FRAS1: variants seen among roughly 807,000 people sequenced by gnomAD.
FRAS1 encodes extracellular matrix organizing protein FRAS1.
Under a neutral mutation model 435.2 loss-of-function variants are expected in FRAS1, and 290 were observed. The ratio of observed to expected loss-of-function variants is 0.67; its 90% confidence interval spans 0.61 to 0.73. The LOEUF (loss-of-function observed/expected upper bound fraction) is 0.73. FRAS1 is among the 30% of genes least tolerant of loss of function. The pLI is 0.00. For synonymous variants in FRAS1, 1,800 were observed against 1,851.0 expected (o/e 0.97, Z 0.71); for missense variants, 4,860 against 5,001.5 (o/e 0.97, Z 0.85).
intron 48 of FRAS1, 38 bp from the exon 49 acceptor site, chr4:78,464,405 G>C (rs200406046): frequency 6.2e-7 from 1 of 1,612,554 alleles, no homozygotes; most frequent in Non-Finnish European, 8.5e-7. Context: ...GTAGGTGCTA[G>C]GGACAGGTGT....
chr4:78,423,107 C>G (rs1229540526), intron 34 of FRAS1, among the ~76,000 whole-genome samples: 1 of 152,090 alleles, frequency 6.6e-6, no homozygotes, highest in Non-Finnish European at 1.5e-5. Flanking sequence ...TGTCCCTACC[C>G]TTAAATATTT....
At chr4:78,519,621 A>G (rs1395291173) in intron 67 of FRAS1, 140 bp downstream of exon 67, 2 of 940,602 alleles carry the variant, frequency 2.1e-6, no homozygotes, top group East Asian at 5.0e-5. Context: ...CTCAAAGTGC[A>G]GATCTGTGGT....
chr4:78,423,040 C>T (rs1393139597), intron 34 of FRAS1, among the ~76,000 whole-genome samples: 1 of 152,188 alleles, frequency 6.6e-6, no homozygotes, highest in Non-Finnish European at 1.5e-5. Context: ...TCCCTGCCAC[C>T]TTATCTCTTC....
At chr4:78,288,767 T>G (rs1352081126) in intron 14 of FRAS1, among the ~76,000 whole-genome samples, 1 of 152,234 alleles carries the variant, frequency 6.6e-6, no homozygotes, top group Non-Finnish European at 1.5e-5. Flanking sequence ...TCATATACTG[T>G]CTTGGCACTA....
chr4:78,430,434 A>T lies in FRAS1; in HGVS notation c.4969+17A>T, dbSNP rs1734170113. Reference sequence around the variant, plus strand: ...TGGCCACAGGTAGCTACACACCTACACACTCTGTCACTGACCTGCTTGGAG... The same window carrying T: ...TGGCCACAGGTAGCTACACACCTACTCACTCTGTCACTGACCTGCTTGGAG... On this transcript the variant is annotated intron_variant, in intron 37 of 73. Coordinates refer to ENST00000512123, the MANE Select transcript of FRAS1 (RefSeq NM_025074.7). 3 of 1,604,786 alleles carry T rather than the reference A, an allele frequency of 1.9e-6. No individual in the cohort carries two copies. In the East Asian group the frequency reaches 6.7e-5, roughly 36 times the overall value.
intron 6 of FRAS1, among the ~76,000 whole-genome samples, chr4:78,258,567 A>G (rs1725906838): frequency 6.9e-6 from 1 of 145,922 alleles, no homozygotes; most frequent in Non-Finnish European, 1.5e-5. Context: ...TCTGCTTTCT[A>G]TTGTATTACA....
intron 33 of FRAS1, among the ~76,000 whole-genome samples, chr4:78,421,296 T>C (rs1046155896): frequency 6.6e-6 from 1 of 151,998 alleles, no homozygotes; most frequent in African/African-American, 2.4e-5. Context: ...TACGGGTGCG[T>C]GCCACCATAC....
intron 9 of FRAS1, among the ~76,000 whole-genome samples, chr4:78,267,771 C>T (rs1394150997): frequency 1.3e-5 from 2 of 152,232 alleles, no homozygotes; most frequent in Non-Finnish European, 2.9e-5. Context: ...GCCCAGTTCT[C>T]CCCGGCTGTG....
Position 78,065,989 on chromosome 4 carries a change from T to C in FRAS1, c.81T>C (p.Ala27=). ...TTGTTTTGTTTTTCCCCACAGGTGC[T>C]TGTGTCTATCAGGATTCCTTGTTGG... ...FAVLPHHSEG[A]CVYQDSLLAD... The change falls in exon 2 of 74, where the codon GCT becomes GCC. Residue 27 remains alanine, a synonymous_variant. Coordinates refer to ENST00000512123, the MANE Select transcript of FRAS1 (RefSeq NM_025074.7). The C allele has an allele frequency of 6.2e-7, 1 of 1,607,026 alleles. No homozygotes were observed. The highest frequency in any genetic ancestry group is 1.1e-5 in the South Asian group (1 of 90,694).
chr4:78,383,698 A>G (rs1036693134), intron 27 of FRAS1, among the ~76,000 whole-genome samples: 1 of 152,258 alleles, frequency 6.6e-6, no homozygotes, highest in Non-Finnish European at 1.5e-5. Flanking sequence ...GTCAGAGACT[A>G]TAAAAGATTC....
intron 2 of FRAS1, among the ~76,000 whole-genome samples, chr4:78,123,387 G>C (rs564444660): frequency 6.6e-6 from 1 of 152,136 alleles, no homozygotes; most frequent in Non-Finnish European, 1.5e-5. Flanking sequence ...TAGCATTGTA[G>C]CATAGTTTGA....
At chr4:78,309,011 C>T (rs1218190445) in intron 15 of FRAS1, among the ~76,000 whole-genome samples, 2 of 152,150 alleles carry the variant, frequency 1.3e-5, no homozygotes, top group Non-Finnish European at 2.9e-5. Context: ...CCTGGATTAT[C>T]TGGGTAAGCC....
At chr4:78,130,250 T>G (rs180899886) in intron 2 of FRAS1, among the ~76,000 whole-genome samples, 2 of 152,342 alleles carry the variant, frequency 1.3e-5, no homozygotes, top group Non-Finnish European at 2.9e-5. Flanking sequence ...AATTATGTAC[T>G]CAGTATCTGA....
chr4:78,520,566 T>A (rs1278333087), intron 67 of FRAS1, among the ~76,000 whole-genome samples: 1 of 152,228 alleles, frequency 6.6e-6, no homozygotes. Context: ...AGTATTTACA[T>A]ATAACCTATA....
chr4:78,489,093 G>C lies in FRAS1; in HGVS notation c.8958+13G>C. 6.2e-7 allele frequency: 1 copy of C among 1,602,790 alleles called. No individual in the cohort carries two copies. Among genetic ancestry groups the C allele is most frequent in the Non-Finnish European group, 8.5e-7 (1 of 1,173,736 alleles). The stretch of plus-strand genomic sequence containing the variant: ...CAAAGGGGACAAAGTAAGTGGATTG[G>C]TGGTGGCTGAAAGATGAGATTCTCT... On this transcript the variant is annotated intron_variant, in intron 59 of 73. Transcript: ENST00000512123.
At chr4:78,534,424 G>A (rs1721819118) in intron 70 of FRAS1, 25 bp from the exon 71 acceptor site, 3 of 1,603,066 alleles carry the variant, frequency 1.9e-6, no homozygotes, top group Non-Finnish European at 2.6e-6. Context: ...CTCTCAAAGA[G>A]CTCTTTGTTT....
intron 2 of FRAS1, chr4:78,068,524 C>T (rs1246429216): frequency 2.2e-6 from 1 of 456,234 alleles, no homozygotes; most frequent in South Asian, 1.5e-5. Flanking sequence ...CATGGTGAGC[C>T]TTGTGCAGAC....
chr4:78,531,868 T>C (rs749256236), intron 70 of FRAS1, among the ~76,000 whole-genome samples: 1 of 152,206 alleles, frequency 6.6e-6, no homozygotes, highest in South Asian at 2.1e-4. Flanking sequence ...ATCTTAACAA[T>C]ATCATTGAGA....
At chr4:78,289,870 C>T (rs1301723972) in intron 14 of FRAS1, among the ~76,000 whole-genome samples, 1 of 152,194 alleles carries the variant, frequency 6.6e-6, no homozygotes, top group Non-Finnish European at 1.5e-5. Context: ...ACTCTTCCTG[C>T]CTGTCTCTTT....
Sources: gnomAD v4.1 joint callset for allele counts (sites outside exome capture counted in the v4.1 genomes callset) on GRCh38, gnomAD v4.1.1 for gene constraint, MANE v1.5 for transcripts, NCBI Gene and HGNC (gene_info 2026-07-23, HGNC 2026-07-21) for gene names.